RIC3: variants seen among roughly 807,000 people sequenced by gnomAD.
RIC3 encodes the protein RIC3 acetylcholine receptor chaperone, also known as protein RIC-3.
A neutral mutation model predicts 27.3 loss-of-function variants in RIC3; 28 were observed. That is an observed-to-expected ratio of 1.02 (90% CI 0.76 to 1.41). The LOEUF (loss-of-function observed/expected upper bound fraction) is 1.41. RIC3 is among the 40% of genes most tolerant of loss of function. RIC3 has a pLI of 0.00. For missense variants in RIC3, 501 were observed against 444.7 expected (o/e 1.13, Z -1.14); for synonymous variants, 184 against 160.4 (o/e 1.15, Z -1.11).
intron 1 of RIC3, among the ~76,000 whole-genome samples, chr11:8,147,796 C>G (rs944250219): frequency 6.8e-6 from 1 of 148,058 alleles, no homozygotes; most frequent in Non-Finnish European, 1.5e-5. Context: ...GGCGCGATCT[C>G]GGCTCATTGC....
At chr11:8,115,296 G>A (rs752365349) in intron 5 of RIC3, among the ~76,000 whole-genome samples, 12 of 150,504 alleles carry the variant, frequency 8.0e-5, no homozygotes, top group South Asian at 6.3e-4. Flanking sequence ...AAATGCTTAC[G>A]GAAAACAAAA....
chr11:8,134,445 T>C (rs893762477), intron 4 of RIC3, among the ~76,000 whole-genome samples: 5 of 152,192 alleles, frequency 3.3e-5, no homozygotes, highest in Admixed American at 1.3e-4. Flanking sequence ...GAATAGTGCC[T>C]CAGTAAACAT....
In RIC3 at chr11:8,161,845, C is replaced by T. The variant is rs182947206; in HGVS notation, c.124+7021G>A. On this transcript the variant is annotated intron_variant, in intron 1 of 5. Coordinates refer to ENST00000309737, the MANE Select transcript of RIC3 (RefSeq NM_001206671.4). The stretch of plus-strand genomic sequence containing the variant: ...ACACACGTATATAAATGAGACACTC[C>T]CACTTTCTCCGGGCAATGGAATGTG... Among the ~76,000 whole-genome samples, 760 of 150,682 alleles carry T rather than the reference C, an allele frequency of 5.0e-3. 10 individuals are homozygous for T. Among genetic ancestry groups the T allele is most frequent in the Admixed American group, 0.025 (356 of 14,416 alleles).
intron 1 of RIC3, among the ~76,000 whole-genome samples, chr11:8,161,636 C>T (rs976687677): frequency 3.9e-5 from 6 of 152,146 alleles, no homozygotes; most frequent in African/African-American, 1.4e-4. Context: ...TTAACGTGAA[C>T]GGATATGTTT....
chr11:8,121,862 A>C (rs951794270), intron 5 of RIC3, among the ~76,000 whole-genome samples: 2 of 152,188 alleles, frequency 1.3e-5, no homozygotes, highest in Non-Finnish European at 2.9e-5. Context: ...CTTTTCCCTT[A>C]GAATTTGTGT....
intron 5 of RIC3, among the ~76,000 whole-genome samples, chr11:8,114,021 C>T (rs1378807563): frequency 1.3e-5 from 2 of 152,154 alleles, no homozygotes; most frequent in African/African-American, 4.8e-5. Flanking sequence ...CCAGTGGATC[C>T]AGGCTTCAAC....
intron 1 of RIC3, among the ~76,000 whole-genome samples, chr11:8,159,903 A>G (rs979934925): frequency 3.8e-4 from 58 of 152,188 alleles, no homozygotes; most frequent in Non-Finnish European, 4.4e-4. Flanking sequence ...ATGAGGCAGG[A>G]CAATTGCTTG....
chr11:8,162,822 T>C (rs893835605), intron 1 of RIC3, among the ~76,000 whole-genome samples: 1 of 151,626 alleles, frequency 6.6e-6, no homozygotes, highest in Non-Finnish European at 1.5e-5. Context: ...ATTTTTATAT[T>C]TTTAGTAGAG....
At chr11:8,165,255 A>G (rs968916236) in intron 1 of RIC3, among the ~76,000 whole-genome samples, 1 of 152,260 alleles carries the variant, frequency 6.6e-6, no homozygotes. Flanking sequence ...CAGTAGCAAC[A>G]TTATTCATAA....
rs7482611 is a variant in RIC3, at chr11:8,128,479, T to A, written c.522-1672A>T. 3.0e-3 allele frequency: 1,049 copies of A among 345,164 alleles called. 14 individuals are homozygous for A. The highest frequency in any genetic ancestry group is 0.021 in the African/African-American group (960 of 46,404). The allele number at this position is 345,164 out of a possible 1,614,324, so 21.4% of individuals were successfully genotyped here. A position where few individuals can be genotyped will look rare whatever the true frequency, so the allele number is the denominator to read the frequency against. The stretch of plus-strand genomic sequence containing the variant: ...CTTTTATTGTCCATATCATGCATTA[T>A]GCATTAATCATGGTCTACCTTATGA... On this transcript the variant is annotated intron_variant, in intron 4 of 5. Transcript: ENST00000309737.
chr11:8,128,986 C>T (rs1345941648), intron 4 of RIC3, among the ~76,000 whole-genome samples: 2 of 151,900 alleles, frequency 1.3e-5, no homozygotes, highest in Non-Finnish European at 2.9e-5. Context: ...AATCTCCTGA[C>T]CTCGTGATCC....
At position 8,110,997 on chromosome 11, in the gene RIC3, C is replaced by T. The variant is rs1384799882; in HGVS notation, c.811G>A (p.Glu271Lys). ...IAERMGMIEE[E>K]ESDHLGWESL... ...TCCCAACCCAAATGATCTGATTCTT[C>T]CTCTTCTATCATTCCCATTCTTTCA... Residue 271 changes from glutamate to lysine, a missense_variant, in exon 6 of 6, where the codon GAA becomes AAA. Coordinates refer to ENST00000309737, the MANE Select transcript of RIC3 (RefSeq NM_001206671.4). 1 of 1,614,176 alleles carries T rather than the reference C, an allele frequency of 6.2e-7. No homozygotes were observed. The highest frequency in any genetic ancestry group is 8.5e-7 in the Non-Finnish European group (1 of 1,180,042).
chr11:8,134,286 G>A (rs2133806444), intron 4 of RIC3, among the ~76,000 whole-genome samples: 1 of 152,162 alleles, frequency 6.6e-6, no homozygotes, highest in East Asian at 1.9e-4. Context: ...GAGAATGATG[G>A]TTTCCAGTTT....
chr11:8,149,147 C>T (rs1420598909), intron 1 of RIC3, among the ~76,000 whole-genome samples: 5 of 151,262 alleles, frequency 3.3e-5, no homozygotes, highest in East Asian at 1.9e-4. Context: ...GTGCCAAGAT[C>T]GCACCACTGC....
chr11:8,140,908 A>G (rs1044854732), intron 1 of RIC3, among the ~76,000 whole-genome samples: 1 of 151,358 alleles, frequency 6.6e-6, no homozygotes. Flanking sequence ...TTTTCAACCC[A>G]GAATTTCATA....
intron 5 of RIC3, among the ~76,000 whole-genome samples, chr11:8,116,381 T>C (rs1169368336): frequency 6.6e-6 from 1 of 152,212 alleles, no homozygotes; most frequent in Non-Finnish European, 1.5e-5. Context: ...GACAATGATA[T>C]TTTTGGATAT....
At chr11:8,097,147 G>A in the RIC3 span, 1 of 1,507,070 alleles carries the variant, frequency 6.6e-7, no homozygotes, top group Non-Finnish European at 9.2e-7. Flanking sequence ...GCCACGTTAG[G>A]AGGCAGATTT....
intron 5 of RIC3, among the ~76,000 whole-genome samples, chr11:8,112,636 A>C (rs1945406866): frequency 6.6e-6 from 1 of 152,138 alleles, no homozygotes; most frequent in Non-Finnish European, 1.5e-5. Flanking sequence ...AAGAAGGATC[A>C]TATTTGTGTA....
At chr11:8,101,743 G>A (rs1289869917), downstream of RIC3, 2 of 1,448,794 alleles carry the variant, frequency 1.4e-6, no homozygotes, top group South Asian at 1.5e-5. Context: ...GGCCCTCAGT[G>A]GGCTCCCTGG....
Sources: allele counts gnomAD v4.1 joint callset (sites outside exome capture counted in the v4.1 genomes callset), GRCh38; gene constraint gnomAD v4.1.1; transcripts MANE v1.5; gene names NCBI Gene and HGNC (gene_info 2026-07-23, HGNC 2026-07-21).